The following NALF2 variants were observed in gnomAD, a reference collection of about 807,000 sequenced individuals.
The protein encoded by NALF2 is bB57D9.1 (TED protein).
Under a neutral mutation model 24.8 loss-of-function variants are expected in NALF2, and 1 was observed. The observed-to-expected ratio is 0.04, with a 90% CI of 0.01 to 0.19. The LOEUF (loss-of-function observed/expected upper bound fraction) is 0.19, where lower values mean the gene tolerates loss of function less well. Ranked by LOEUF, NALF2 falls within the 10% of genes least tolerant of loss-of-function variation. The pLI, the probability that NALF2 is intolerant of heterozygous loss-of-function variation, is 1.00. For synonymous variants in NALF2, 254 were observed against 189.8 expected (o/e 1.34, Z -2.78); for missense variants, 458 against 409.6 (o/e 1.12, Z -1.02).
At chrX:69,525,003 G>T (rs1177322226) in intron 1 of NALF2, among the ~76,000 whole-genome samples, 1 of 111,688 alleles carries the variant, frequency 9.0e-6, no homozygotes, top group Non-Finnish European at 1.9e-5. Flanking sequence ...CTGGCTGGGG[G>T]TGTGGGGACT....
intron 1 of NALF2, 64 bp from the exon 2 acceptor site, chrX:69,528,929 A>T: frequency 9.1e-7 from 1 of 1,099,306 alleles, no homozygotes; most frequent in Non-Finnish European, 1.2e-6. Context: ...AAGTCCTCCC[A>T]TCCCTCTCCT....
intron 1 of NALF2, among the ~76,000 whole-genome samples, chrX:69,525,531 T>C (rs148500706): frequency 7.7e-4 from 85 of 110,224 alleles, no homozygotes; most frequent in African/African-American, 2.7e-3. Context: ...TATTCCTCTT[T>C]CTTAGCTTTG....
At position 69,530,707 on chromosome X, in the gene NALF2, G is replaced by T. The variant is rs2147719571; in HGVS notation, c.*751G>T. The T allele has an allele frequency of 8.9e-6, 1 of 112,866 alleles. No individual in the cohort carries two copies. Among genetic ancestry groups the T allele is most frequent in the East Asian group, 2.8e-4 (1 of 3,549 alleles). The allele number at this position is 112,866 out of a possible 1,213,427, so 9.3% of individuals were successfully genotyped here. A position where few individuals can be genotyped will look rare whatever the true frequency, so the allele number is the denominator to read the frequency against. On this transcript the variant is annotated 3_prime_UTR_variant, in exon 3 of 3. Transcript: ENST00000252338. ...GGCTACTGCCACCCGGCTTTGGGGA[G>T]ATGGGCGATAAGTGTTGAGGTAGGC...
At chrX:69,511,518 T>C (rs1930583543) in intron 1 of NALF2, among the ~76,000 whole-genome samples, 1 of 111,826 alleles carries the variant, frequency 8.9e-6, no homozygotes, top group African/African-American at 3.3e-5. Flanking sequence ...AGACACACAT[T>C]CATACAGACA....
intron 1 of NALF2, among the ~76,000 whole-genome samples, chrX:69,506,391 C>A (rs1451154652): frequency 8.9e-6 from 1 of 112,668 alleles, no homozygotes; most frequent in African/African-American, 3.2e-5. Context: ...GGCTTCCTGG[C>A]GCCCTGCTCC....
intron 1 of NALF2, among the ~76,000 whole-genome samples, chrX:69,526,123 T>C (rs370166251): frequency 8.9e-6 from 1 of 112,249 alleles, no homozygotes; most frequent in Non-Finnish European, 1.9e-5. Context: ...TGGAAATAAG[T>C]GTCCATGAGC....
At chrX:69,514,408 T>TA (rs1175695028) in intron 1 of NALF2, among the ~76,000 whole-genome samples, 1 of 111,493 alleles carries the variant, frequency 9.0e-6, no homozygotes, top group African/African-American at 3.3e-5. Context: ...CATTCCTTTT[T>TA]ATGGCTGAGT....
At chrX:69,529,351 G>A (rs1207866773) in intron 2 of NALF2, among the ~76,000 whole-genome samples, 187 bp downstream of exon 2, 2 of 111,324 alleles carry the variant, frequency 1.8e-5, no homozygotes, top group Non-Finnish European at 1.9e-5. Context: ...AGACCAGAGT[G>A]TCCTTCTCTG....
At position 69,529,709 on chromosome X, in the gene NALF2, TCCACCACTACCACCAACAGTA is replaced by T. The variant is rs759924517; in HGVS notation, c.1176_1196del (p.Gln396_His402del). 3.3e-6 allele frequency: 4 copies of T among 1,207,809 alleles called. No individual in the cohort carries two copies. The East Asian group carries it at 8.9e-5, about 27-fold the overall frequency. On this transcript the variant is annotated inframe_deletion, in exon 3 of 3. Coordinates refer to ENST00000252338, the MANE Select transcript of NALF2 (RefSeq NM_015686.3). ...CAGCAGCAATTCCACCACTCCTATT[TCCACCACTACCACCAACAGTA>T]CCATCACTACCACCCCCATCATGAT...
At position 69,530,847 on chromosome X, in the gene NALF2, G is replaced by T. The variant is rs1042593203; in HGVS notation, c.*891G>T. 5 of 112,930 alleles carry T rather than the reference G, an allele frequency of 4.4e-5. No homozygotes were observed. The highest frequency in any genetic ancestry group is 1.6e-4 in the African/African-American group (5 of 30,977). 9.3% of individuals were successfully genotyped at this position (112,930 alleles called of 1,213,427 possible). On this transcript the variant is annotated 3_prime_UTR_variant, in exon 3 of 3. Transcript: ENST00000252338. ...AAGGCTGCAGGCACATGGTTAGACT[G>T]CCGCTGTCTGAAGGACCATATCTTA...
chrX:69,506,750 C>T (rs1000843856), intron 1 of NALF2, among the ~76,000 whole-genome samples: 2 of 112,733 alleles, frequency 1.8e-5, no homozygotes, highest in African/African-American at 6.4e-5. Flanking sequence ...CACCTGCAGG[C>T]TCTTCTCCCC....
Position 69,505,393 on chromosome X carries a change from C to T in NALF2, c.111C>T (p.Ser37=). ...PRPSDKPCAD[S]ERAQRWRLSL... ...CGAGCGACAAACCTTGCGCCGACTC[C>T]GAGCGGGCGCAGCGATGGCGACTGT... is the stretch of plus-strand genomic sequence containing the variant. The change falls in exon 1 of 3, where the codon TCC becomes TCT. Residue 37 remains serine, a synonymous_variant. Transcript: ENST00000252338. 5 of 1,158,783 alleles carry T rather than the reference C, an allele frequency of 4.3e-6. No individual in the cohort carries two copies. Among genetic ancestry groups the T allele is most frequent in the African/African-American group, 1.8e-5 (1 of 55,775 alleles).
At position 69,505,053 on chromosome X, in the gene NALF2, G is replaced by T. The variant is rs1201455183; in HGVS notation, c.-230G>T. 9.4e-6 allele frequency among the ~76,000 whole-genome samples: 1 copy of T among 106,329 alleles called. No homozygotes were observed. Among genetic ancestry groups the T allele is most frequent in the Non-Finnish European group, 2.0e-5 (1 of 50,842 alleles). 92.3% of individuals were successfully genotyped at this position (106,329 alleles called of 115,157 possible). A position where few individuals can be genotyped will look rare whatever the true frequency, so the allele number is the denominator to read the frequency against. On this transcript the variant is annotated 5_prime_UTR_variant, in exon 1 of 3. Coordinates refer to ENST00000252338, the MANE Select transcript of NALF2 (RefSeq NM_015686.3). ...AGCGCCTAGCGGGCCGGGCGGCGGC[G>T]CCCGGGCTGAGAGCGACGGAGCGCG...
chrX:69,531,319 C>G lies in NALF2; in HGVS notation c.*1363C>G, dbSNP rs1930901269. On this transcript the variant is annotated 3_prime_UTR_variant, in exon 3 of 3. Coordinates refer to ENST00000252338, the MANE Select transcript of NALF2 (RefSeq NM_015686.3). ...GTGCTGTCATATCTTGGCTGAGAAA[C>G]TGTTGAGTCAGGCTAGAGGACTGGA... 1.8e-5 allele frequency: 2 copies of G among 112,846 alleles called. No individual in the cohort carries two copies. The highest frequency in any genetic ancestry group is 3.8e-5 in the Non-Finnish European group (2 of 53,330). The allele number at this position is 112,846 out of a possible 1,213,427, so 9.3% of individuals were successfully genotyped here.
intron 1 of NALF2, among the ~76,000 whole-genome samples, chrX:69,508,311 T>G (rs1478450281): frequency 9.0e-6 from 1 of 111,608 alleles, no homozygotes; most frequent in Non-Finnish European, 1.9e-5. Flanking sequence ...ATGAGGAAAC[T>G]CAGGTGCAAG....
Position 69,532,109 on chromosome X carries a change from G to A in NALF2, c.*2153G>A, listed in dbSNP as rs1405717119. On this transcript the variant is annotated 3_prime_UTR_variant, in exon 3 of 3. Transcript: ENST00000252338. ...CCCAAGGCCTTGCCCAGTGGCAGGG[G>A]AAAGGGGCACCTCACTCCACCTCAA... 8.9e-6 allele frequency: 1 copy of A among 112,592 alleles called. No individual in the cohort carries two copies. Among genetic ancestry groups the A allele is most frequent in the Non-Finnish European group, 1.9e-5 (1 of 53,255 alleles). 9.3% of individuals were successfully genotyped at this position (112,592 alleles called of 1,213,427 possible). A position where few individuals can be genotyped will look rare whatever the true frequency, so the allele number is the denominator to read the frequency against.
chrX:69,524,838 G>A (rs562779325), intron 1 of NALF2, among the ~76,000 whole-genome samples: 2 of 111,762 alleles, frequency 1.8e-5, no homozygotes, highest in South Asian at 3.8e-4. Flanking sequence ...TCCGCTGGCC[G>A]GCTGTGGGGC....
rs982607751 is a variant in NALF2, at chrX:69,530,253, T to C, written c.*297T>C. On this transcript the variant is annotated 3_prime_UTR_variant, in exon 3 of 3. Coordinates refer to ENST00000252338, the MANE Select transcript of NALF2 (RefSeq NM_015686.3). ...AAAAAGGGAGGAAGTGGGGGCTGGA[T>C]ATGCCCACCCCTGCCAAAAGCCCTG... 1.1e-5 allele frequency: 3 copies of C among 267,650 alleles called. No individual in the cohort carries two copies. The highest frequency in any genetic ancestry group is 1.3e-5 in the Non-Finnish European group (2 of 151,834). 22.1% of individuals were successfully genotyped at this position (267,650 alleles called of 1,213,427 possible).
rs187506575 is a variant in NALF2 at position 69,530,908 on chromosome X, C to A, written c.*952C>A. The A allele has an allele frequency of 8.8e-6, 1 of 113,129 alleles. No individual in the cohort carries two copies. Among genetic ancestry groups the A allele is most frequent in the African/African-American group, 3.2e-5 (1 of 31,118 alleles). 9.3% of individuals were successfully genotyped at this position (113,129 alleles called of 1,213,427 possible). ...ACATACTCCCAAGGGCCACTCTTGC[C>A]CTGGAGATCTTGGCCTTGGGGCCAA... On this transcript the variant is annotated 3_prime_UTR_variant, in exon 3 of 3. Transcript: ENST00000252338.
Sources: gnomAD v4.1 joint callset for allele counts (sites outside exome capture counted in the v4.1 genomes callset) on GRCh38, gnomAD v4.1.1 for gene constraint, MANE v1.5 for transcripts, NCBI Gene and HGNC (gene_info 2026-07-23, HGNC 2026-07-21) for gene names.